The following VMA12 variants were observed in gnomAD, a reference collection of about 807,000 sequenced individuals.
The protein encoded by VMA12 is vacuolar ATPase assembly factor VMA12.
chr17:28,358,073 G>A, the VMA12 span: 1 of 631,564 alleles, frequency 1.6e-6, no homozygotes, highest in South Asian at 2.0e-5. Flanking sequence ...ATTTGCTTGT[G>A]CAGTTTCTGC....
At chr17:28,358,815 C>A in the VMA12 span, 1 of 860,646 alleles carries the variant, frequency 1.2e-6, no homozygotes, top group Non-Finnish European at 1.8e-6. Context: ...TAGAGATGGC[C>A]CTGTTTTATT....
the VMA12 span, chr17:28,357,882 G>A: frequency 3.7e-6 from 6 of 1,613,690 alleles, no homozygotes; most frequent in African/African-American, 6.7e-5. Flanking sequence ...AGAGAAAGGG[G>A]TGAGCCCCAG....
the VMA12 span, chr17:28,358,574 C>T: frequency 3.7e-5 from 18 of 484,264 alleles, no homozygotes; most frequent in African/African-American, 1.2e-4. Flanking sequence ...GTATTAGTGT[C>T]CTCTGAGCAT....
At chr17:28,359,529 G>A in the VMA12 span, 15,752 of 807,016 alleles carry the variant, frequency 0.02, 168 homozygotes, top group Non-Finnish European at 0.024. Flanking sequence ...GGGACCATAG[G>A]AAGTCTGCAT....
the VMA12 span, chr17:28,358,902 C>A: frequency 3.7e-6 from 6 of 1,603,954 alleles, no homozygotes; most frequent in Admixed American, 1.8e-5. Context: ...GTTTGTGAAA[C>A]CTTTTCTTCT....
chr17:28,361,903 T>C, the VMA12 span: 1 of 152,460 alleles, frequency 6.6e-6, no homozygotes, highest in East Asian at 1.9e-4. Context: ...CTATGGTCCT[T>C]CTTCTGTTAA....
At chr17:28,357,690 C>G in the VMA12 span, 1 of 1,612,628 alleles carries the variant, frequency 6.2e-7, no homozygotes, top group Admixed American at 1.7e-5. Flanking sequence ...TCTTTGCTTG[C>G]GGGCGAGCGA....
the VMA12 span, chr17:28,358,795 T>G: frequency 1.4e-6 from 1 of 739,706 alleles, no homozygotes; most frequent in East Asian, 2.6e-5. Flanking sequence ...ATCCTGGAAA[T>G]GGATTAATGT....
chr17:28,358,346 G>C, the VMA12 span: 29 of 466,578 alleles, frequency 6.2e-5, no homozygotes, highest in Non-Finnish European at 1.2e-4. Flanking sequence ...GATCTGGCCT[G>C]AGAGTAGCAT....
chr17:28,358,950 C>G, the VMA12 span: 1 of 1,612,486 alleles, frequency 6.2e-7, no homozygotes, highest in African/African-American at 1.3e-5. Flanking sequence ...TCCTAGAAGG[C>G]AGTGAAATCT....
chr17:28,359,217 A>G, the VMA12 span: 1 of 1,299,092 alleles, frequency 7.7e-7, no homozygotes, highest in East Asian at 2.4e-5. Context: ...GGGTCTCCTG[A>G]TACCTTTAGC....
chr17:28,361,390 T>G, the VMA12 span: 17 of 712,058 alleles, frequency 2.4e-5, no homozygotes, highest in Non-Finnish European at 3.8e-5. Flanking sequence ...CAGCTGCTGT[T>G]TCTGTGGGGA....
the VMA12 span, chr17:28,361,484 G>A: frequency 1.9e-6 from 1 of 516,162 alleles, no homozygotes; most frequent in South Asian, 2.1e-5. Flanking sequence ...ACTGGTCTTG[G>A]TCTATCAGTA....
chr17:28,360,262 C>T, the VMA12 span: 11 of 355,928 alleles, frequency 3.1e-5, no homozygotes, highest in Non-Finnish European at 4.3e-5. Context: ...CCCAGCCATT[C>T]GAGCATTTCT....
chr17:28,357,845 C>T, the VMA12 span: 17 of 1,614,122 alleles, frequency 1.1e-5, no homozygotes, highest in Non-Finnish European at 1.3e-5. Flanking sequence ...TTCTTTCCGT[C>T]TCATCCGGGA....
chr17:28,359,589 G>A, the VMA12 span: 1 of 516,346 alleles, frequency 1.9e-6, no homozygotes, highest in Admixed American at 3.3e-5. Flanking sequence ...GGCTGAGATG[G>A]TGACCAAGTT....
the VMA12 span, chr17:28,360,598 A>G: frequency 1.2e-3 from 2,006 of 1,613,992 alleles, 32 homozygotes; most frequent in African/African-American, 0.024. Context: ...TCAGGCTTCT[A>G]AAACCTTTTC....
At chr17:28,361,242 G>C in the VMA12 span, 1 of 1,614,164 alleles carries the variant, frequency 6.2e-7, no homozygotes, top group South Asian at 1.1e-5. Context: ...GGCGAGCTGG[G>C]AGAACTGTAA....
At chr17:28,361,301 C>G in the VMA12 span, 1 of 1,576,172 alleles carries the variant, frequency 6.3e-7, no homozygotes, top group East Asian at 2.2e-5. Context: ...GCTTCAGGCT[C>G]CAATTGGCAG....
Sources: allele counts gnomAD v4.1 joint callset, GRCh38; gene constraint gnomAD v4.1.1; transcripts MANE v1.5; gene names NCBI Gene and HGNC (gene_info 2026-07-23, HGNC 2026-07-21).